PRAG1: variants seen among roughly 807,000 people sequenced by gnomAD.
The protein encoded by PRAG1 is inactive tyrosine-protein kinase PRAG1.
A neutral mutation model predicts 95.6 loss-of-function variants in PRAG1; 110 were observed. The ratio of observed to expected loss-of-function variants is 1.15; its 90% CI spans 0.99 to 1.35. PRAG1 has a LOEUF of 1.35. PRAG1 is among the 40% of genes most tolerant of loss of function. The probability of loss-of-function intolerance (pLI) is 0.00; values close to 1 mark genes in which losing one functional copy is unlikely to be tolerated. For missense variants in PRAG1, 2,554 were observed against 1,864.7 expected (o/e 1.37, Z -6.81); for synonymous variants, 1,052 against 819.4 (o/e 1.28, Z -4.85).
At chr8:8,380,899 G>T (rs1800613063) in intron 2 of PRAG1, among the ~76,000 whole-genome samples, 1 of 149,892 alleles carries the variant, frequency 6.7e-6, no homozygotes, top group Admixed American at 6.7e-5. Context: ...TAATGGTATT[G>T]TGGTTATGTT....
Position 8,318,080 on chromosome 8 carries a change from A to C in PRAG1, c.*74T>G. 4 of 1,444,256 alleles carry C rather than the reference A, an allele frequency of 2.8e-6. No individual in the cohort carries two copies. The highest frequency in any genetic ancestry group is 3.7e-6 in the Non-Finnish European group (4 of 1,078,234). 89.5% of individuals were successfully genotyped at this position (1,444,256 alleles called of 1,614,324 possible). ...CATCTGTACCATTTCCCAGGGAGACATGGGTGCTTCCAAGGCGAGACAGGA... is the reference window on the plus strand; with the variant it reads ...CATCTGTACCATTTCCCAGGGAGACCTGGGTGCTTCCAAGGCGAGACAGGA... On this transcript the variant is annotated 3_prime_UTR_variant, in exon 6 of 6. Transcript: ENST00000615670. The surrounding 1 kb of genome is among the most constrained non-coding windows in gnomAD (Gnocchi z 4.2).
chr8:8,377,756 G>A lies in PRAG1; in HGVS notation c.653C>T (p.Thr218Ile). ...CCCAGGGCCCTGGTGACAGCCAGAT[G>A]TGGTCCCAGCAAAGGCAGCCAGTTT... Reference protein sequence around the residue: ...RQKLAAFAGTTSGCHQGPGPL... With the variant: ...RQKLAAFAGTISGCHQGPGPL... Residue 218 changes from threonine (T) to isoleucine (I), a missense_variant, in exon 3 of 6, where the codon ACA becomes ATA. Thr to Ile is a moderately conservative substitution (Grantham distance 89, BLOSUM62 -1). Coordinates refer to ENST00000615670, the MANE Select transcript of PRAG1 (RefSeq NM_001080826.3). 1 of 1,614,144 alleles carries A rather than the reference G, an allele frequency of 6.2e-7. No homozygotes were observed. Among genetic ancestry groups the A allele is most frequent in the Non-Finnish European group, 8.5e-7 (1 of 1,180,030 alleles).
Position 8,346,241 on chromosome 8 carries a change from C to A in PRAG1, c.2163-6606G>T, listed in dbSNP as rs540316646. ...ACCATCTGCAAAATACTTCCATGGA[C>A]AAAAACCTCATACTCCAGTCTTTTC... On this transcript the variant is annotated intron_variant, in intron 3 of 5. Coordinates refer to ENST00000615670, the MANE Select transcript of PRAG1 (RefSeq NM_001080826.3). Among the ~76,000 whole-genome samples, 18 of 152,314 alleles carry A rather than the reference C, an allele frequency of 1.2e-4. 1 individual carries two copies. The South Asian group carries it at 3.5e-3, about 30-fold the overall frequency.
At chr8:8,348,078 G>A (rs1047175632) in intron 3 of PRAG1, among the ~76,000 whole-genome samples, 3 of 152,054 alleles carry the variant, frequency 2.0e-5, no homozygotes, top group East Asian at 1.9e-4. Flanking sequence ...CACCACACCC[G>A]GTTAAGTTTT....
intron 3 of PRAG1, among the ~76,000 whole-genome samples, chr8:8,343,689 G>C (rs1799243548): frequency 6.6e-6 from 1 of 152,176 alleles, no homozygotes; most frequent in African/African-American, 2.4e-5. Flanking sequence ...AAATATTTTA[G>C]GCTCGTGGAC....
rs540927485 is a variant in PRAG1 at position 8,354,806 on chromosome 8, C to T, written c.2163-15171G>A. Among the ~76,000 whole-genome samples the T allele has an allele frequency of 3.1e-3, 469 of 152,192 alleles. 1 individual carries two copies. Among genetic ancestry groups the T allele is most frequent in the Non-Finnish European group, 5.6e-3 (378 of 67,974 alleles). The stretch of plus-strand genomic sequence containing the variant: ...ATAAAGGCCATTTATGAAAAACTCA[C>T]AGCTAATATCATAATCAATGGGGAA... On this transcript the variant is annotated intron_variant, in intron 3 of 5. Transcript: ENST00000615670.
chr8:8,383,879 T>C lies in PRAG1; in HGVS notation c.-87-2045A>G, dbSNP rs191760222. ...AGAACTGTAGCCTTGCTGCTAAGTT[T>C]TGGGAGGGGGAAAAAGCAGAGGAAG... is the stretch of plus-strand genomic sequence containing the variant. On this transcript the variant is annotated intron_variant, in intron 1 of 5. Transcript: ENST00000615670. Among the ~76,000 whole-genome samples, 94 of 152,218 alleles carry C rather than the reference T, an allele frequency of 6.2e-4. 1 individual carries two copies. The highest frequency in any genetic ancestry group is 3.8e-3 in the Admixed American group (58 of 15,288).
chr8:8,350,091 TGA>T (rs1304783057), intron 3 of PRAG1, among the ~76,000 whole-genome samples: 1 of 152,160 alleles, frequency 6.6e-6, no homozygotes, highest in Non-Finnish European at 1.5e-5. Context: ...TACTTTAGCA[TGA>T]GAGATAGAAA....
At chr8:8,347,790 C>G (rs1255029055) in intron 3 of PRAG1, among the ~76,000 whole-genome samples, 1 of 148,750 alleles carries the variant, frequency 6.7e-6, no homozygotes, top group African/African-American at 2.6e-5. Context: ...ATTTATCAAG[C>G]TCCTCTAGTG....
intron 2 of PRAG1, among the ~76,000 whole-genome samples, chr8:8,380,224 G>A (rs1385545262): frequency 6.6e-6 from 1 of 151,992 alleles, no homozygotes; most frequent in Non-Finnish European, 1.5e-5. Context: ...GCAGTTAGCC[G>A]AGATCGCAAC....
chr8:8,349,266 C>CTATTTATT (rs10672013), intron 3 of PRAG1, among the ~76,000 whole-genome samples: 6,457 of 149,292 alleles, frequency 0.043, 191 homozygotes, highest in African/African-American at 0.076. Flanking sequence ...ATCTATCTAT[C>CTATTTATT]TATTTATTTA....
At chr8:8,368,747 T>C (rs1315554476) in intron 3 of PRAG1, among the ~76,000 whole-genome samples, 1 of 152,134 alleles carries the variant, frequency 6.6e-6, no homozygotes, top group Non-Finnish European at 1.5e-5. Context: ...TGCCTAAGCT[T>C]GTATTTTCCA....
intron 3 of PRAG1, among the ~76,000 whole-genome samples, chr8:8,374,266 T>C (rs1800307508): frequency 6.6e-6 from 1 of 152,210 alleles, no homozygotes; most frequent in African/African-American, 2.4e-5. Context: ...TCACAGTGAG[T>C]GGCTTATACA....
chr8:8,353,933 AAC>A (rs1273494391), intron 3 of PRAG1, among the ~76,000 whole-genome samples: 1 of 152,082 alleles, frequency 6.6e-6, no homozygotes, highest in Non-Finnish European at 1.5e-5. Context: ...TAAAGATTAG[AAC>A]AAAAATAAAT....
chr8:8,327,125 A>G (rs907499446), intron 5 of PRAG1, among the ~76,000 whole-genome samples: 3 of 152,218 alleles, frequency 2.0e-5, no homozygotes, highest in African/African-American at 7.2e-5. Context: ...AACCTGGTCA[A>G]TAAATGAATA....
intron 3 of PRAG1, among the ~76,000 whole-genome samples, chr8:8,345,206 T>C (rs1410775909): frequency 6.6e-6 from 1 of 151,564 alleles, no homozygotes; most frequent in Non-Finnish European, 1.5e-5. Context: ...TGGAAAAGCT[T>C]GAGAAATCCA....
At position 8,318,208 on chromosome 8, in the gene PRAG1, C is replaced by A. The variant is rs1798338823; in HGVS notation, c.4167G>T (p.Ala1389=). The A allele has an allele frequency of 6.2e-7, 1 of 1,614,012 alleles. No individual in the cohort carries two copies. Among genetic ancestry groups the A allele is most frequent in the Non-Finnish European group, 8.5e-7 (1 of 1,180,024 alleles). ...GTAAGAGGGCCCCGGGCTCCGCAGA[C>A]GCCAGGTACTGGCAGCAAAGCCAGT... The part of the protein sequence containing the change: ...LEDWLCCQYL[A]SAEPGALLQS... Residue 1389 remains alanine (A), a synonymous_variant, in exon 6 of 6, where the codon GCG becomes GCT. Coordinates refer to ENST00000615670, the MANE Select transcript of PRAG1 (RefSeq NM_001080826.3). The surrounding 1 kb of genome is among the most constrained non-coding windows in gnomAD (Gnocchi z 4.2).
Position 8,318,575 on chromosome 8 carries a change from T to A in PRAG1, c.3800A>T (p.Gln1267Leu), listed in dbSNP as rs780974539. 128 of 1,613,264 alleles carry A rather than the reference T, an allele frequency of 7.9e-5. No homozygotes were observed. Among genetic ancestry groups the A allele is most frequent in the Non-Finnish European group, 1.0e-4 (121 of 1,179,914 alleles). The change falls in exon 6 of 6, where the codon CAA (glutamine) becomes CTA (leucine). Residue 1267 changes from glutamine (Q) to leucine (L), a missense_variant. Physicochemically the swap from Gln to Leu is moderately radical, Grantham distance 113. Transcript: ENST00000615670. This position sits in a 1 kb window ranked among gnomAD's most constrained non-coding sequence, Gnocchi z 4.2. ...GGCGCGCACCTCGAACGGGTTGGGT[T>A]GGTGCAGCAGCTCGTAGATGAGGAT... is the stretch of plus-strand genomic sequence containing the variant. Reference protein sequence around the residue: ...TGILIYELLHQPNPFEVRAQL... With the variant: ...TGILIYELLHLPNPFEVRAQL...
At chr8:8,366,110 T>C (rs551849466) in intron 3 of PRAG1, among the ~76,000 whole-genome samples, 7 of 152,164 alleles carry the variant, frequency 4.6e-5, no homozygotes, top group Non-Finnish European at 1.0e-4. Flanking sequence ...GTAATAAACT[T>C]AATAGTAACT....
Sources: gnomAD v4.1 joint callset for allele counts (sites outside exome capture counted in the v4.1 genomes callset) on GRCh38, gnomAD v4.1.1 for gene constraint, Gnocchi (gnomAD v3.1) non-coding constraint, MANE v1.5 for transcripts, NCBI Gene and HGNC (gene_info 2026-07-23, HGNC 2026-07-21) for gene names.